Variants in NARS2 observed in about 807,000 individuals in gnomAD.
NARS2 encodes the protein asparaginyl-tRNA synthetase 2, mitochondrial.
In NARS2, 60 loss-of-function variants were observed where a neutral mutation model predicts 62.9. That is an observed-to-expected ratio of 0.95 (90% confidence interval 0.77 to 1.18). NARS2 has a LOEUF of 1.18. NARS2 is among the 50% of genes most tolerant of loss of function. The pLI is 0.00. For missense variants in NARS2, 619 were observed against 576.4 expected, an observed-to-expected ratio of 1.07 and a Z score of -0.76; for synonymous variants, 196 against 200.0, an observed-to-expected ratio of 0.98 and a Z score of 0.17.
At chr11:78,542,173 C>T (rs911165260) in intron 5 of NARS2, among the ~76,000 whole-genome samples, 2 of 152,194 alleles carry the variant, frequency 1.3e-5, no homozygotes, top group Non-Finnish European at 2.9e-5. Flanking sequence ...TTCATTTAAA[C>T]AACTATTTGA....
intron 6 of NARS2, among the ~76,000 whole-genome samples, chr11:78,507,615 G>C (rs1860554300): frequency 6.6e-6 from 1 of 151,792 alleles, no homozygotes; most frequent in South Asian, 2.1e-4. Context: ...CGCCTCCCGG[G>C]TTCACGCCAT....
chr11:78,460,059 G>A lies in NARS2; in HGVS notation c.1164+5817C>T, dbSNP rs150052885. ...AAGGAATAATATACGCAGAGTCTGAGGTGAGAGAAAGAACTGCACGTCTGA... is the reference window on the plus strand; with the variant it reads ...AAGGAATAATATACGCAGAGTCTGAAGTGAGAGAAAGAACTGCACGTCTGA... On this transcript the variant is annotated intron_variant, in intron 11 of 13. Coordinates refer to ENST00000281038, the MANE Select transcript of NARS2 (RefSeq NM_024678.6). Among the ~76,000 whole-genome samples the A allele has an allele frequency of 3.3e-5, 5 of 152,256 alleles. No homozygotes were observed. In the East Asian group the frequency reaches 9.7e-4, roughly 30 times the overall value.
chr11:78,561,919 G>A (rs1244828283), intron 4 of NARS2, among the ~76,000 whole-genome samples: 3 of 152,060 alleles, frequency 2.0e-5, no homozygotes, highest in Non-Finnish European at 2.9e-5. Flanking sequence ...AAATTAGCCC[G>A]GTGTGGTAGT....
intron 7 of NARS2, among the ~76,000 whole-genome samples, chr11:78,479,060 T>C (rs527593540): frequency 9.9e-5 from 15 of 152,262 alleles, no homozygotes; most frequent in Middle Eastern, 6.8e-3. Flanking sequence ...AGATAAACCA[T>C]GTGTCACACT....
intron 6 of NARS2, among the ~76,000 whole-genome samples, chr11:78,526,160 T>C (rs907796484): frequency 6.6e-6 from 1 of 152,154 alleles, no homozygotes; most frequent in East Asian, 1.9e-4. Context: ...TTTTGACAAA[T>C]GTATCATGGT....
chr11:78,563,966 G>C (rs1807092741), intron 4 of NARS2, among the ~76,000 whole-genome samples: 1 of 137,110 alleles, frequency 7.3e-6, no homozygotes, highest in South Asian at 2.5e-4. Context: ...CAGTGGCGCA[G>C]TCTCTACTCA....
chr11:78,519,156 A>G (rs1248384312), intron 6 of NARS2, among the ~76,000 whole-genome samples: 1 of 152,238 alleles, frequency 6.6e-6, no homozygotes, highest in Admixed American at 6.5e-5. Flanking sequence ...ACTCAGATTC[A>G]CATGATGACA....
At chr11:78,546,424 T>C (rs2135477941) in intron 5 of NARS2, 1 of 152,344 alleles carries the variant, frequency 6.6e-6, no homozygotes, top group Non-Finnish European at 1.5e-5. Context: ...AACAGAAAGA[T>C]GTGGGACTGG....
intron 5 of NARS2, among the ~76,000 whole-genome samples, chr11:78,529,650 A>C (rs1167461872): frequency 2.0e-5 from 3 of 152,212 alleles, no homozygotes; most frequent in Non-Finnish European, 1.5e-5. Flanking sequence ...CTTCTGAATC[A>C]AGTTATGAGT....
intron 11 of NARS2, among the ~76,000 whole-genome samples, chr11:78,452,926 T>C (rs901804766): frequency 2.6e-5 from 4 of 152,158 alleles, no homozygotes; most frequent in Non-Finnish European, 5.9e-5. Flanking sequence ...AAGATACACA[T>C]AGTTTATCTG....
intron 12 of NARS2, among the ~76,000 whole-genome samples, chr11:78,443,346 A>T (rs1029830299): frequency 6.7e-6 from 1 of 149,052 alleles, no homozygotes; most frequent in Non-Finnish European, 1.5e-5. Flanking sequence ...AAAAAAAATT[A>T]AAAAAAAATG....
At chr11:78,530,490 T>C (rs918563289) in intron 5 of NARS2, among the ~76,000 whole-genome samples, 1 of 152,222 alleles carries the variant, frequency 6.6e-6, no homozygotes, top group East Asian at 1.9e-4. Flanking sequence ...TTATTTATTT[T>C]TGAGACAGAG....
At chr11:78,506,414 G>A (rs10793320) in intron 6 of NARS2, among the ~76,000 whole-genome samples, 98,519 of 152,038 alleles carry the variant, frequency 0.65, 35,165 homozygotes, top group Non-Finnish European at 0.81. Flanking sequence ...AGCTCCACAC[G>A]CAGGAAACAA....
intron 5 of NARS2, chr11:78,558,680 T>C (rs1320937016): frequency 6.6e-6 from 1 of 152,186 alleles, no homozygotes; most frequent in Non-Finnish European, 1.5e-5. Context: ...AAAAAATATC[T>C]GCAGTAAGGG....
chr11:78,515,674 T>G, intron 6 of NARS2, among the ~76,000 whole-genome samples: 1 of 151,180 alleles, frequency 6.6e-6, no homozygotes, highest in South Asian at 2.1e-4. Flanking sequence ...TGCACCACCA[T>G]GCCTGGCTGA....
chr11:78,572,842 A>G (rs1348727029), intron 1 of NARS2, among the ~76,000 whole-genome samples: 1 of 152,184 alleles, frequency 6.6e-6, no homozygotes, highest in African/African-American at 2.4e-5. Flanking sequence ...ACATATTGAG[A>G]TATTTTGCAT....
intron 5 of NARS2, among the ~76,000 whole-genome samples, chr11:78,547,681 AAATTAG>A (rs1855934543): frequency 6.6e-6 from 1 of 152,212 alleles, no homozygotes; most frequent in African/African-American, 2.4e-5. Flanking sequence ...AAAAACACAA[AAATTAG>A]CTGGGTGTGG....
intron 5 of NARS2, among the ~76,000 whole-genome samples, chr11:78,548,349 T>C (rs868401676): frequency 6.6e-6 from 1 of 152,110 alleles, no homozygotes; most frequent in African/African-American, 2.4e-5. Flanking sequence ...CCACATACCA[T>C]CTAAAAACGT....
At chr11:78,546,317 G>A (rs756687649) in intron 5 of NARS2, among the ~76,000 whole-genome samples, 1 of 152,040 alleles carries the variant, frequency 6.6e-6, no homozygotes, top group African/African-American at 2.4e-5. Flanking sequence ...GGCTTCCCCC[G>A]GAGCCATTCC....
Sources: allele counts gnomAD v4.1 joint callset (sites outside exome capture counted in the v4.1 genomes callset), GRCh38; gene constraint gnomAD v4.1.1; transcripts MANE v1.5; gene names NCBI Gene and HGNC (gene_info 2026-07-23, HGNC 2026-07-21).